PTPRD: variants seen among roughly 807,000 people sequenced by gnomAD.
PTPRD encodes receptor-type tyrosine-protein phosphatase delta.
A neutral mutation model predicts 214.5 loss-of-function variants in PTPRD; 34 were observed. That is an observed-to-expected ratio of 0.16 (90% CI 0.12 to 0.21). The LOEUF is 0.21. Among genes scored for constraint, PTPRD ranks in the 10% least tolerant of loss-of-function variants. The pLI, the probability that PTPRD is intolerant of heterozygous loss-of-function variation, is 1.00. For synonymous variants in PTPRD, 1,128 were observed against 845.7 expected, an observed-to-expected ratio of 1.33 and a Z score of -5.79; for missense variants, 2,545 against 2,398.7, an observed-to-expected ratio of 1.06 and a Z score of -1.27.
chr9:8,544,697 C>T (rs1185470592), intron 14 of PTPRD, among the ~76,000 whole-genome samples: 2 of 150,594 alleles, frequency 1.3e-5, no homozygotes, highest in African/African-American at 2.4e-5. Context: ...CTGGAACTCC[C>T]GAACCTTCAG....
In PTPRD at chr9:8,723,839, G is replaced by A. The variant is rs550983895; in HGVS notation, c.64+9941C>T. Among the ~76,000 whole-genome samples the A allele has an allele frequency of 3.0e-4, 46 of 152,132 alleles. No homozygotes were observed. The South Asian group carries it at 7.1e-3, about 23-fold the overall frequency. ...GTTTAGTAGATTTGTTATACTTTCC[G>A]TATTTTTAGCTTAAAAGGAATAGAT... On this transcript the variant is annotated intron_variant, in intron 12 of 45. Coordinates refer to ENST00000381196, the MANE Select transcript of PTPRD (RefSeq NM_002839.4).
intron 8 of PTPRD, among the ~76,000 whole-genome samples, chr9:9,500,989 C>T (rs1030041385): frequency 6.6e-6 from 1 of 151,654 alleles, no homozygotes; most frequent in Non-Finnish European, 1.5e-5. Context: ...CAACCATTAA[C>T]AAAATACACA....
intron 10 of PTPRD, among the ~76,000 whole-genome samples, chr9:9,063,388 G>A (rs1206130294): frequency 4.6e-5 from 7 of 152,120 alleles, no homozygotes; most frequent in African/African-American, 1.7e-4. Context: ...TCACTGAAAT[G>A]CCTACCCTCA....
At chr9:10,201,725 C>G (rs1035839027) in intron 3 of PTPRD, among the ~76,000 whole-genome samples, 12 of 151,912 alleles carry the variant, frequency 7.9e-5, no homozygotes, top group Non-Finnish European at 1.8e-4. Context: ...AATCATTCAA[C>G]AAAGCAAACA....
At chr9:10,329,585 G>C (rs567562938) in intron 3 of PTPRD, among the ~76,000 whole-genome samples, 1 of 151,670 alleles carries the variant, frequency 6.6e-6, no homozygotes, top group South Asian at 2.1e-4. Flanking sequence ...TCAGTACATC[G>C]CATGCTTAAT....
At chr9:10,162,668 TGTATATAC>T (rs2099134819) in intron 3 of PTPRD, among the ~76,000 whole-genome samples, 2 of 147,266 alleles carry the variant, frequency 1.4e-5, no homozygotes, top group Middle Eastern at 3.3e-3. Flanking sequence ...TACATGTATA[TGTATATAC>T]ATGTATATAT....
In PTPRD at chr9:9,032,597, A is replaced by G. The variant is rs528229516; in HGVS notation, c.-142-13862T>C. On this transcript the variant is annotated intron_variant, in intron 10 of 45. Coordinates refer to ENST00000381196, the MANE Select transcript of PTPRD (RefSeq NM_002839.4). Reference sequence around the variant, plus strand: ...TCATGCTCTGAAAAGATGCATAAATAGAGGTGAGAAATTGGTGCTAGAAAA... The same window carrying G: ...TCATGCTCTGAAAAGATGCATAAATGGAGGTGAGAAATTGGTGCTAGAAAA... Among the ~76,000 whole-genome samples the G allele has an allele frequency of 2.3e-5, 3 of 130,516 alleles. No individual in the cohort carries two copies. The Admixed American group carries it at 2.5e-4, about 11-fold the overall frequency. The allele number at this position is 130,516 out of a possible 152,430, so 85.6% of individuals were successfully genotyped here.
intron 2 of PTPRD, among the ~76,000 whole-genome samples, chr9:10,561,987 A>G (rs1590962139): frequency 6.6e-6 from 1 of 152,290 alleles, no homozygotes; most frequent in East Asian, 1.9e-4. Flanking sequence ...TTTTGTTTAA[A>G]GAAGGAATAT....
chr9:9,856,205 G>C (rs1374181893), intron 5 of PTPRD, among the ~76,000 whole-genome samples: 1 of 152,088 alleles, frequency 6.6e-6, no homozygotes, highest in Non-Finnish European at 1.5e-5. Context: ...CTGACATCCA[G>C]CTGTAGTCCC....
chr9:9,289,568 C>T (rs1311776214), intron 9 of PTPRD, among the ~76,000 whole-genome samples: 1 of 151,700 alleles, frequency 6.6e-6, no homozygotes. Context: ...AATTAGATCT[C>T]CAGGACTTAT....
intron 6 of PTPRD, among the ~76,000 whole-genome samples, chr9:9,766,083 C>T (rs375819595): frequency 2.6e-5 from 4 of 152,212 alleles, no homozygotes; most frequent in Admixed American, 6.5e-5. Flanking sequence ...TCCTCCTTCA[C>T]GACTGTCCTC....
chr9:9,693,136 G>T (rs1019608595), intron 7 of PTPRD, among the ~76,000 whole-genome samples: 4 of 151,088 alleles, frequency 2.6e-5, no homozygotes, highest in Non-Finnish European at 5.9e-5. Flanking sequence ...GTTTGGTCTA[G>T]CTAAGACTTC....
At chr9:10,167,347 G>C (rs1388175655) in intron 3 of PTPRD, among the ~76,000 whole-genome samples, 1 of 151,870 alleles carries the variant, frequency 6.6e-6, no homozygotes, top group African/African-American at 2.4e-5. Context: ...ATTATCAGTA[G>C]GTTAAAAACA....
chr9:8,936,427 C>CAAAAAAAAAAAAAAAAAAAA (rs1181403459), intron 11 of PTPRD, among the ~76,000 whole-genome samples: 30 of 31,638 alleles, frequency 9.5e-4, no homozygotes, highest in South Asian at 2.0e-3. Flanking sequence ...ACCCTGCCTC[C>CAAAAAAAAAAAAAAAAAAAA]AAAAAAAAAA....
chr9:10,117,292 G>A (rs2098737932), intron 3 of PTPRD, among the ~76,000 whole-genome samples: 1 of 152,110 alleles, frequency 6.6e-6, no homozygotes, highest in Admixed American at 6.6e-5. Context: ...AACCTGAGAA[G>A]TTAGACAGAA....
chr9:10,230,495 T>C (rs1035935999), intron 3 of PTPRD, among the ~76,000 whole-genome samples: 1 of 151,584 alleles, frequency 6.6e-6, no homozygotes, highest in African/African-American at 2.4e-5. Flanking sequence ...TACCTATCCA[T>C]CTATTATCTA....
intron 3 of PTPRD, among the ~76,000 whole-genome samples, chr9:10,093,001 A>G (rs1032490488): frequency 6.6e-6 from 1 of 151,728 alleles, no homozygotes. Flanking sequence ...TAAAAATTCT[A>G]GAAGAAAACC....
intron 11 of PTPRD, chr9:8,860,205 C>G (rs1354093826): frequency 6.6e-6 from 1 of 152,228 alleles, no homozygotes; most frequent in Admixed American, 6.5e-5. Context: ...ATGTATCACT[C>G]TGCCTGCAGA....
At chr9:9,836,210 C>A (rs954877671) in intron 5 of PTPRD, among the ~76,000 whole-genome samples, 1 of 152,080 alleles carries the variant, frequency 6.6e-6, no homozygotes, top group Admixed American at 6.6e-5. Context: ...GAAGGACATC[C>A]TAGAGTAGCC....
Sources: allele counts gnomAD v4.1 joint callset (sites outside exome capture counted in the v4.1 genomes callset), GRCh38; gene constraint gnomAD v4.1.1; transcripts MANE v1.5; gene names NCBI Gene and HGNC (gene_info 2026-07-23, HGNC 2026-07-21).